KHDRBS3: variants seen among roughly 807,000 people sequenced by gnomAD.
KHDRBS3 encodes KH RNA binding domain containing, signal transduction associated 3.
KHDRBS3 carries 23 observed loss-of-function variants against 45.6 expected under a neutral mutation model. That is an observed-to-expected ratio of 0.50 (90% CI 0.36 to 0.72). The LOEUF (loss-of-function observed/expected upper bound fraction) is 0.72. Among genes scored for constraint, KHDRBS3 ranks in the 30% least tolerant of loss-of-function variants. The pLI, the probability that KHDRBS3 is intolerant of heterozygous loss-of-function variation, is 0.00. For missense variants in KHDRBS3, 352 were observed against 424.8 expected (o/e 0.83, Z 1.51); for synonymous variants, 162 against 156.5 (o/e 1.04, Z -0.26).
intron 2 of KHDRBS3, among the ~76,000 whole-genome samples, chr8:135,536,803 A>G (rs947447965): frequency 7.3e-5 from 11 of 150,342 alleles, no homozygotes; most frequent in African/African-American, 2.5e-4. Context: ...TACTAAAAAT[A>G]CAAAAAATTA....
intron 1 of KHDRBS3, among the ~76,000 whole-genome samples, chr8:135,511,562 T>C (rs1163767829): frequency 6.6e-6 from 1 of 152,046 alleles, no homozygotes; most frequent in Non-Finnish European, 1.5e-5. Flanking sequence ...GTTGTTGTTG[T>C]TGTTGTTTTT....
intron 7 of KHDRBS3, among the ~76,000 whole-genome samples, chr8:135,610,245 T>C (rs1289344555): frequency 2.6e-5 from 4 of 151,860 alleles, no homozygotes; most frequent in Non-Finnish European, 4.4e-5. Flanking sequence ...AAATCAGGCA[T>C]GGAATTTAAT....
At chr8:135,632,898 C>T (rs974092982) in intron 7 of KHDRBS3, among the ~76,000 whole-genome samples, 14 of 152,110 alleles carry the variant, frequency 9.2e-5, no homozygotes, top group Non-Finnish European at 1.8e-4. Context: ...TTGATGGTCC[C>T]TCTGCCCACA....
chr8:135,525,829 T>C (rs1266619794), intron 2 of KHDRBS3, among the ~76,000 whole-genome samples: 1 of 152,180 alleles, frequency 6.6e-6, no homozygotes, highest in African/African-American at 2.4e-5. Context: ...GTTCATAGTC[T>C]AGTTGATGAT....
chr8:135,479,484 A>G (rs1416518652), intron 1 of KHDRBS3, among the ~76,000 whole-genome samples: 1 of 152,188 alleles, frequency 6.6e-6, no homozygotes, highest in Non-Finnish European at 1.5e-5. Context: ...CGAGTAATTC[A>G]TAAGCAACAA....
chr8:135,607,907 C>T (rs7842536), intron 7 of KHDRBS3, among the ~76,000 whole-genome samples: 118,209 of 152,134 alleles, frequency 0.78, 46,122 homozygotes, highest in South Asian at 0.86. Flanking sequence ...AAAAAAAACT[C>T]TTTGTTTTTG....
intron 6 of KHDRBS3, among the ~76,000 whole-genome samples, chr8:135,585,024 C>G (rs943563717): frequency 6.6e-6 from 1 of 151,188 alleles, no homozygotes; most frequent in Non-Finnish European, 1.5e-5. Context: ...GAGTTCAAGA[C>G]CAGCCTGGCC....
At chr8:135,648,451 AATTGTAG>A (rs1348841960), downstream of KHDRBS3, 1 of 152,190 alleles carries the variant, frequency 6.6e-6, no homozygotes, top group African/African-American at 2.4e-5. Flanking sequence ...AAGCTTTTTT[AATTGTAG>A]ATTGTGTAAA....
At chr8:135,493,212 G>C (rs2130436337) in intron 1 of KHDRBS3, among the ~76,000 whole-genome samples, 2 of 152,038 alleles carry the variant, frequency 1.3e-5, no homozygotes, top group South Asian at 2.1e-4. Flanking sequence ...TGAGTAGCTG[G>C]GACAGTGGGT....
intron 1 of KHDRBS3, among the ~76,000 whole-genome samples, chr8:135,462,237 G>GTTTTTTT (rs541659142): frequency 7.1e-6 from 1 of 140,264 alleles, no homozygotes. Context: ...TGTGTTATCA[G>GTTTTTTT]TTTTTTTTTT....
chr8:135,555,187 A>G (rs1215219550), intron 4 of KHDRBS3, among the ~76,000 whole-genome samples: 2 of 152,134 alleles, frequency 1.3e-5, no homozygotes, highest in African/African-American at 4.8e-5. Context: ...GGCTTTTATA[A>G]TGTAATATCT....
intron 7 of KHDRBS3, among the ~76,000 whole-genome samples, chr8:135,628,489 A>G (rs1830465254): frequency 1.3e-5 from 2 of 152,268 alleles, no homozygotes; most frequent in South Asian, 2.1e-4. Flanking sequence ...TGAAATAGAC[A>G]TAAGAGCTTT....
chr8:135,485,020 C>T, intron 1 of KHDRBS3, among the ~76,000 whole-genome samples: 1 of 152,152 alleles, frequency 6.6e-6, no homozygotes, highest in East Asian at 1.9e-4. Flanking sequence ...AGGATGTGTA[C>T]AGTGGCACTG....
intron 6 of KHDRBS3, among the ~76,000 whole-genome samples, chr8:135,603,429 G>T (rs1829307607): frequency 2.0e-5 from 3 of 152,130 alleles, no homozygotes; most frequent in African/African-American, 7.2e-5. Flanking sequence ...TTTGTTTGTT[G>T]TCTGATAGCT....
chr8:135,656,013 A>C (rs2131226660), intron 4 of KHDRBS3, among the ~76,000 whole-genome samples: 1 of 152,260 alleles, frequency 6.6e-6, no homozygotes, highest in South Asian at 2.1e-4. Context: ...ATCATCATTA[A>C]ACCAGTTAAT....
chr8:135,523,583 A>G (rs1586658967), intron 2 of KHDRBS3, among the ~76,000 whole-genome samples: 2 of 152,110 alleles, frequency 1.3e-5, no homozygotes, highest in African/African-American at 4.8e-5. Context: ...TCCAGTTTCT[A>G]TGCATCTTAT....
At chr8:135,538,952 A>G (rs575508046) in intron 2 of KHDRBS3, 8 of 152,342 alleles carry the variant, frequency 5.3e-5, no homozygotes, top group African/African-American at 1.7e-4. Context: ...AACAACAACA[A>G]AAAAAACCTA....
intron 1 of KHDRBS3, among the ~76,000 whole-genome samples, chr8:135,516,691 GTGC>G (rs1563736675): frequency 6.6e-6 from 1 of 151,956 alleles, no homozygotes; most frequent in Non-Finnish European, 1.5e-5. Flanking sequence ...ATTCCAGGGT[GTGC>G]TCTAGCCTAC....
intron 4 of KHDRBS3, chr8:135,656,076 TTC>T (rs1446717667): frequency 1.3e-5 from 2 of 152,360 alleles, no homozygotes; most frequent in African/African-American, 4.8e-5. Flanking sequence ...ATTTTAACGA[TTC>T]TGTTTTGCAT....
Sources: allele counts gnomAD v4.1 joint callset (sites outside exome capture counted in the v4.1 genomes callset), GRCh38; gene constraint gnomAD v4.1.1; transcripts MANE v1.5; gene names NCBI Gene and HGNC (gene_info 2026-07-23, HGNC 2026-07-21).